RGSL1: variants seen among roughly 807,000 people sequenced by gnomAD.
The protein encoded by RGSL1 is regulator of G protein signaling like 1.
RGSL1 carries 97 observed loss-of-function variants against 124.7 expected under a neutral mutation model. The observed-to-expected ratio is 0.78, with a 90% CI of 0.66 to 0.92. The LOEUF (loss-of-function observed/expected upper bound fraction) is 0.92. RGSL1 is among the 40% of genes least tolerant of loss of function. RGSL1 has a pLI of 0.00. For missense variants in RGSL1, 1,233 were observed against 1,288.4 expected, an observed-to-expected ratio of 0.96 and a Z score of 0.66; for synonymous variants, 424 against 438.1, an observed-to-expected ratio of 0.97 and a Z score of 0.40.
intron 4 of RGSL1, among the ~76,000 whole-genome samples, chr1:182,471,612 T>C (rs1263126087): frequency 6.6e-6 from 1 of 152,156 alleles, no homozygotes; most frequent in Non-Finnish European, 1.5e-5. Context: ...ACAGTGTCAT[T>C]AAGCACTGCT....
intron 14 of RGSL1, among the ~76,000 whole-genome samples, chr1:182,536,519 T>C (rs540300792): frequency 6.6e-6 from 1 of 152,346 alleles, no homozygotes; most frequent in South Asian, 2.1e-4. Flanking sequence ...TATCTTGTTT[T>C]AGTTTAATTT....
chr1:182,456,174 G>A (rs2101985100), intron 2 of RGSL1, among the ~76,000 whole-genome samples: 1 of 152,294 alleles, frequency 6.6e-6, no homozygotes, highest in Admixed American at 6.5e-5. Context: ...TGGATGGATG[G>A]TGGTGTCAGG....
intron 7 of RGSL1, 27 bp from the exon 8 acceptor site, chr1:182,488,953 C>T (rs1655318495): frequency 6.5e-7 from 1 of 1,529,558 alleles, no homozygotes; most frequent in Non-Finnish European, 8.8e-7. Context: ...TAACAAATGC[C>T]ATCTTCCCCT....
intron 6 of RGSL1, 37 bp from the exon 7 acceptor site, chr1:182,488,248 T>C: frequency 1.3e-6 from 2 of 1,539,654 alleles, no homozygotes; most frequent in East Asian, 2.5e-5. Context: ...AAGCTGACCA[T>C]CCACCTCATA....
intron 9 of RGSL1, among the ~76,000 whole-genome samples, chr1:182,520,424 A>C (rs1003069312): frequency 6.6e-6 from 1 of 152,194 alleles, no homozygotes; most frequent in African/African-American, 2.4e-5. Context: ...ATGTCTTAAG[A>C]ATAAAAGCAA....
At chr1:182,494,120 G>A (rs919620477) in intron 9 of RGSL1, among the ~76,000 whole-genome samples, 12 of 152,060 alleles carry the variant, frequency 7.9e-5, no homozygotes, top group African/African-American at 1.4e-4. Context: ...CGGTCATCAC[G>A]ACTTCTCAGG....
intron 4 of RGSL1, among the ~76,000 whole-genome samples, chr1:182,465,902 CA>C (rs1323637838): frequency 2.0e-5 from 3 of 151,896 alleles, no homozygotes; most frequent in African/African-American, 7.3e-5. Flanking sequence ...AACATTGATG[CA>C]AAAGTCTGCA....
chr1:182,539,413 T>A (rs1659747224), intron 14 of RGSL1, among the ~76,000 whole-genome samples: 1 of 152,136 alleles, frequency 6.6e-6, no homozygotes, highest in Non-Finnish European at 1.5e-5. Flanking sequence ...ATTTATGGAC[T>A]CTTGTAGTTA....
chr1:182,512,978 T>C (rs1558349362), intron 9 of RGSL1, among the ~76,000 whole-genome samples: 1 of 152,042 alleles, frequency 6.6e-6, no homozygotes, highest in Non-Finnish European at 1.5e-5. Flanking sequence ...GAGCCTGGGG[T>C]TTGGGGTTTA....
intron 2 of RGSL1, among the ~76,000 whole-genome samples, chr1:182,455,662 G>A (rs1440322872): frequency 6.6e-6 from 1 of 152,112 alleles, no homozygotes; most frequent in Non-Finnish European, 1.5e-5. Flanking sequence ...AAGCATTATA[G>A]ACAGAACAGA....
intron 14 of RGSL1, among the ~76,000 whole-genome samples, chr1:182,534,266 G>T (rs1302112117): frequency 6.6e-6 from 1 of 152,146 alleles, no homozygotes; most frequent in Non-Finnish European, 1.5e-5. Context: ...CTAGTGTCTG[G>T]TTCCTCGCAT....
chr1:182,492,628 C>T (rs916471683), intron 8 of RGSL1, among the ~76,000 whole-genome samples: 34 of 141,770 alleles, frequency 2.4e-4, no homozygotes, highest in Admixed American at 1.8e-3. Flanking sequence ...TTTAAATAAC[C>T]TTTTTTTTTT....
intron 14 of RGSL1, among the ~76,000 whole-genome samples, chr1:182,537,588 C>T (rs61709202): frequency 0.016 from 2,473 of 152,234 alleles, 58 homozygotes; most frequent in African/African-American, 0.053. Context: ...TACTCGAAAA[C>T]AGTTTTATTC....
upstream of RGSL1, among the ~76,000 whole-genome samples, chr1:182,449,657 G>A (rs1318918006): frequency 1.3e-5 from 2 of 152,172 alleles, no homozygotes; most frequent in African/African-American, 2.4e-5. Context: ...TTAAAGATGA[G>A]GTTTCACTCT....
chr1:182,546,077 A>G (rs1660193853), intron 15 of RGSL1, among the ~76,000 whole-genome samples: 1 of 152,068 alleles, frequency 6.6e-6, no homozygotes, highest in African/African-American at 2.4e-5. Context: ...GTAATTTTCT[A>G]TATCTTGTAG....
Position 182,530,405 on chromosome 1 carries a change from C to A in RGSL1, c.2243+44C>A. On this transcript the variant is annotated intron_variant, in intron 12 of 21. Transcript: ENST00000294854. ...GGAAAGGATTCTTCCTGGAGTTGCTCCTTGGCTTCTGAAAGCCATATGCAT... is the reference window on the plus strand; with the variant it reads ...GGAAAGGATTCTTCCTGGAGTTGCTACTTGGCTTCTGAAAGCCATATGCAT... 2 of 1,468,850 alleles carry A rather than the reference C, an allele frequency of 1.4e-6. 1 individual carries two copies. Among genetic ancestry groups the A allele is most frequent in the South Asian group, 2.5e-5 (2 of 80,504 alleles). The allele number at this position is 1,468,850 out of a possible 1,614,324, so 91.0% of individuals were successfully genotyped here. A position where few individuals can be genotyped will look rare whatever the true frequency, so the allele number is the denominator to read the frequency against.
At chr1:182,533,609 T>C (rs1472089228) in intron 14 of RGSL1, among the ~76,000 whole-genome samples, 3 of 152,204 alleles carry the variant, frequency 2.0e-5, no homozygotes, top group Non-Finnish European at 4.4e-5. Flanking sequence ...TTTGAATCTG[T>C]CACTTCCTAG....
chr1:182,550,373 A>G (rs1420189627), intron 17 of RGSL1: 1 of 152,330 alleles, frequency 6.6e-6, no homozygotes, highest in Admixed American at 6.5e-5. Flanking sequence ...TTGAGATAGA[A>G]CAGACTGTCC....
intron 6 of RGSL1, among the ~76,000 whole-genome samples, chr1:182,480,467 T>A (rs1338406167): frequency 6.6e-6 from 1 of 151,838 alleles, no homozygotes; most frequent in Non-Finnish European, 1.5e-5. Context: ...CAAGTTTTTT[T>A]TTTTTTTTGA....
Sources: gnomAD v4.1 joint callset for allele counts (sites outside exome capture counted in the v4.1 genomes callset) on GRCh38, gnomAD v4.1.1 for gene constraint, MANE v1.5 for transcripts, NCBI Gene and HGNC (gene_info 2026-07-23, HGNC 2026-07-21) for gene names.